RBFOX1: variants seen among roughly 807,000 people sequenced by gnomAD.
RBFOX1 encodes the protein RNA binding protein fox-1 homolog 1.
A neutral mutation model predicts 57.7 loss-of-function variants in RBFOX1; 8 were observed. The ratio of observed to expected loss-of-function variants is 0.14; its 90% CI spans 0.08 to 0.25. The LOEUF (loss-of-function observed/expected upper bound fraction) is 0.25. RBFOX1 is among the 10% of genes least tolerant of loss of function. The pLI is 1.00. For synonymous variants in RBFOX1, 326 were observed against 222.4 expected (o/e 1.47, Z -4.15); for missense variants, 611 against 548.5 (o/e 1.11, Z -1.14).
At chr16:5,673,237 G>A (rs550977948) in intron 3 of RBFOX1, among the ~76,000 whole-genome samples, 13 of 152,176 alleles carry the variant, frequency 8.5e-5, no homozygotes, top group African/African-American at 3.1e-4. Flanking sequence ...GAAGGGGCAA[G>A]GACGGAGCCA....
At chr16:5,689,017 A>C (rs2050589814) in intron 3 of RBFOX1, among the ~76,000 whole-genome samples, 1 of 152,180 alleles carries the variant, frequency 6.6e-6, no homozygotes, top group Non-Finnish European at 1.5e-5. Flanking sequence ...AAAAGAAACA[A>C]AATCAAGGCA....
intron 1 of RBFOX1, among the ~76,000 whole-genome samples, chr16:5,378,507 C>G (rs981833579): frequency 6.6e-5 from 10 of 151,490 alleles, no homozygotes; most frequent in Non-Finnish European, 1.5e-4. Context: ...TCAGTATTAA[C>G]TATTTTCGTT....
chr16:5,951,195 C>T (rs972377976), intron 4 of RBFOX1, among the ~76,000 whole-genome samples: 2 of 152,120 alleles, frequency 1.3e-5, no homozygotes, highest in Non-Finnish European at 2.9e-5. Flanking sequence ...CGCCTGAAAT[C>T]TCAGCACTTT....
At chr16:6,356,939 A>T (rs180855542) in intron 2 of RBFOX1, among the ~76,000 whole-genome samples, 134 of 152,236 alleles carry the variant, frequency 8.8e-4, no homozygotes, top group African/African-American at 2.8e-3. Context: ...TATGAAAGGA[A>T]ACTAAAAGCC....
intron 4 of RBFOX1, among the ~76,000 whole-genome samples, chr16:7,352,129 G>A (rs550161517): frequency 4.6e-5 from 7 of 152,210 alleles, no homozygotes; most frequent in South Asian, 4.1e-4. Context: ...AGCACCCCAC[G>A]GCAGAAACAT....
chr16:5,875,904 C>T (rs12446866), intron 4 of RBFOX1, among the ~76,000 whole-genome samples: 1,714 of 149,852 alleles, frequency 0.011, 14 homozygotes, highest in African/African-American at 0.017. Context: ...AGTGCAGTGG[C>T]GCCATCTGGG....
chr16:7,535,479 C>T (rs756379719), intron 5 of RBFOX1, among the ~76,000 whole-genome samples: 1 of 152,182 alleles, frequency 6.6e-6, no homozygotes, highest in Non-Finnish European at 1.5e-5. Context: ...ATAAACTGGG[C>T]TAGATGGTGT....
At chr16:7,505,237 T>C (rs1435257286) in intron 4 of RBFOX1, among the ~76,000 whole-genome samples, 2 of 136,230 alleles carry the variant, frequency 1.5e-5, no homozygotes, top group Non-Finnish European at 3.0e-5. Context: ...GCAACAGTGA[T>C]GGACCAAAAA....
intron 4 of RBFOX1, among the ~76,000 whole-genome samples, chr16:7,386,975 C>G (rs1399684290): frequency 2.0e-5 from 3 of 152,124 alleles, no homozygotes; most frequent in Non-Finnish European, 4.4e-5. Context: ...TCTCTAATGA[C>G]CAGTGATAAA....
chr16:7,010,043 T>C (rs755324884), intron 3 of RBFOX1, among the ~76,000 whole-genome samples: 50 of 147,396 alleles, frequency 3.4e-4, no homozygotes, highest in Non-Finnish European at 7.1e-4. Context: ...AAAAAAAAAA[T>C]GCACTCAAGA....
intron 3 of RBFOX1, among the ~76,000 whole-genome samples, chr16:6,976,100 C>G (rs2086777324): frequency 6.6e-6 from 1 of 151,940 alleles, no homozygotes; most frequent in African/African-American, 2.4e-5. Flanking sequence ...GCAGTTCAGC[C>G]TGGGCGACAG....
At chr16:7,076,111 G>A (rs778583597) in intron 4 of RBFOX1, among the ~76,000 whole-genome samples, 15 of 149,578 alleles carry the variant, frequency 1.0e-4, no homozygotes, top group Non-Finnish European at 1.9e-4. Context: ...GCGCGATCTC[G>A]GCTCACTGCA....
At chr16:6,708,347 G>A (rs7204545) in intron 3 of RBFOX1, among the ~76,000 whole-genome samples, 2,388 of 152,026 alleles carry the variant, frequency 0.016, 75 homozygotes, top group African/African-American at 0.054. Flanking sequence ...CAACTACCTT[G>A]AGACCATCTT....
rs567843943 is a variant in RBFOX1, at chr16:6,019,260, G to GC, written c.-854dup. 4.9e-4 allele frequency: 486 copies of GC among 985,228 alleles called. 4 individuals carry two copies. The African/African-American group carries it at 8.0e-3, about 16-fold the overall frequency. The allele number at this position is 985,228 out of a possible 1,614,324, so 61.0% of individuals were successfully genotyped here. A position where few individuals can be genotyped will look rare whatever the true frequency, so the allele number is the denominator to read the frequency against. Reference sequence around the variant, plus strand: ...ACACACCGCTCCCTCGATCACCCCAGCCCCCTTCCTGGTCTCCCGAGCGCG... The same window carrying GC: ...ACACACCGCTCCCTCGATCACCCCAGCCCCCCTTCCTGGTCTCCCGAGCGCG... On this transcript the variant is annotated 5_prime_UTR_variant, in exon 1 of 16. Transcript: ENST00000550418. This position sits in a 1 kb window ranked among gnomAD's most constrained non-coding sequence, Gnocchi z 4.2.
intron 10 of RBFOX1, among the ~76,000 whole-genome samples, chr16:7,628,220 G>GT (rs939360488): frequency 2.0e-4 from 31 of 152,156 alleles, no homozygotes; most frequent in Middle Eastern, 3.4e-3. Context: ...GATTTTAAGT[G>GT]TTTTTTTAAA....
intron 3 of RBFOX1, among the ~76,000 whole-genome samples, chr16:6,914,763 A>C (rs1236079540): frequency 1.3e-5 from 2 of 152,148 alleles, no homozygotes; most frequent in East Asian, 3.9e-4. Context: ...AGTCCCAGCT[A>C]CTTTGAAGGC....
chr16:7,423,914 C>G (rs1301582612), intron 4 of RBFOX1, among the ~76,000 whole-genome samples: 4 of 152,086 alleles, frequency 2.6e-5, no homozygotes, highest in African/African-American at 9.7e-5. Flanking sequence ...CTGAAGGAAA[C>G]CTTGTGTTTT....
intron 2 of RBFOX1, among the ~76,000 whole-genome samples, chr16:5,549,542 A>C (rs886939280): frequency 2.6e-5 from 4 of 152,224 alleles, no homozygotes; most frequent in Non-Finnish European, 5.9e-5. Flanking sequence ...TGATACAGTC[A>C]GTTCTGTGAT....
chr16:6,075,444 A>G (rs2095884755), intron 1 of RBFOX1, among the ~76,000 whole-genome samples: 1 of 152,238 alleles, frequency 6.6e-6, no homozygotes, highest in South Asian at 2.1e-4. Flanking sequence ...TGTCTTATGA[A>G]TCTTACATTC....
Sources: gnomAD v4.1 joint callset for allele counts (sites outside exome capture counted in the v4.1 genomes callset) on GRCh38, gnomAD v4.1.1 for gene constraint, Gnocchi (gnomAD v3.1) non-coding constraint, MANE v1.5 for transcripts, NCBI Gene and HGNC (gene_info 2026-07-23, HGNC 2026-07-21) for gene names.